SLC24A2: variants seen among roughly 807,000 people sequenced by gnomAD.
SLC24A2 encodes the protein sodium/potassium/calcium exchanger 2.
In SLC24A2, 36 loss-of-function variants were observed where a neutral mutation model predicts 62.0. The observed-to-expected ratio is 0.58, with a 90% CI of 0.44 to 0.77. The LOEUF is 0.77. Ranked by LOEUF, SLC24A2 falls within the 30% of genes least tolerant of loss-of-function variation. The probability of loss-of-function intolerance (pLI) is 0.00; values close to 1 mark genes in which losing one functional copy is unlikely to be tolerated. For missense variants in SLC24A2, 846 were observed against 817.9 expected, an observed-to-expected ratio of 1.03 and a Z score of -0.42; for synonymous variants, 358 against 294.0, an observed-to-expected ratio of 1.22 and a Z score of -2.23.
chr9:19,985,774 A>T, the SLC24A2 span, among the ~76,000 whole-genome samples: 1 of 152,192 alleles, frequency 6.6e-6, no homozygotes, highest in Non-Finnish European at 1.5e-5. Flanking sequence ...ATTATTAAAA[A>T]GTAAAAAGTG....
At chr9:20,268,682 A>T in the SLC24A2 span, among the ~76,000 whole-genome samples, 1 of 152,304 alleles carries the variant, frequency 6.6e-6, no homozygotes, top group African/African-American at 2.4e-5. Context: ...AGTTTTAGGT[A>T]TTCTGTTATA....
the SLC24A2 span, among the ~76,000 whole-genome samples, chr9:20,092,399 C>T: frequency 6.6e-6 from 1 of 152,130 alleles, no homozygotes; most frequent in Non-Finnish European, 1.5e-5. Flanking sequence ...TGCAGCCCAA[C>T]GCAAATTCAT....
At chr9:20,000,171 T>C in the SLC24A2 span, among the ~76,000 whole-genome samples, 2 of 152,236 alleles carry the variant, frequency 1.3e-5, no homozygotes, top group Non-Finnish European at 2.9e-5. Context: ...TAAACTAGTA[T>C]GTATGGAAAT....
At chr9:20,018,216 G>C in the SLC24A2 span, among the ~76,000 whole-genome samples, 1 of 152,146 alleles carries the variant, frequency 6.6e-6, no homozygotes, top group Non-Finnish European at 1.5e-5. Context: ...TAAAGTGCTG[G>C]GATTACAGGC....
the SLC24A2 span, among the ~76,000 whole-genome samples, chr9:20,189,408 C>A: frequency 6.6e-6 from 1 of 152,258 alleles, no homozygotes; most frequent in South Asian, 2.1e-4. Context: ...TCCCTGGGAC[C>A]ATCAATGCCG....
the SLC24A2 span, among the ~76,000 whole-genome samples, chr9:19,817,207 G>A: frequency 2.0e-5 from 3 of 151,958 alleles, no homozygotes; most frequent in Non-Finnish European, 4.4e-5. Flanking sequence ...GCTTCAGTCT[G>A]CCAGCTTGGA....
chr9:20,182,748 G>A, the SLC24A2 span, among the ~76,000 whole-genome samples: 14 of 152,186 alleles, frequency 9.2e-5, no homozygotes, highest in African/African-American at 3.1e-4. Flanking sequence ...AAACCTACAC[G>A]TTGTGCACAT....
intron 2 of SLC24A2, among the ~76,000 whole-genome samples, chr9:19,685,578 T>C (rs1048684565): frequency 1.1e-4 from 17 of 151,950 alleles, no homozygotes; most frequent in East Asian, 1.9e-4. Context: ...TATGGACACA[T>C]AGACCTATGG....
chr9:20,104,658 T>C, the SLC24A2 span, among the ~76,000 whole-genome samples: 1 of 152,286 alleles, frequency 6.6e-6, no homozygotes, highest in South Asian at 2.1e-4. Flanking sequence ...CTGAGAGATT[T>C]TGTCACCACC....
chr9:20,278,311 C>T, the SLC24A2 span, among the ~76,000 whole-genome samples: 1 of 152,122 alleles, frequency 6.6e-6, no homozygotes, highest in East Asian at 1.9e-4. Context: ...TTTTTGAACT[C>T]TTATGCTCTG....
the SLC24A2 span, among the ~76,000 whole-genome samples, chr9:20,055,821 G>A: frequency 3.3e-5 from 5 of 152,108 alleles, no homozygotes; most frequent in South Asian, 2.1e-4. Flanking sequence ...CCCAGGATGC[G>A]GAGGATGCAG....
the SLC24A2 span, among the ~76,000 whole-genome samples, chr9:20,295,782 T>C: frequency 6.6e-6 from 1 of 152,188 alleles, no homozygotes; most frequent in East Asian, 1.9e-4. Flanking sequence ...GTTCTAAGGC[T>C]TTTGAACTTG....
rs10692458 is a variant in SLC24A2, at chr9:19,720,837, ATGTGTGTGTGTGTGTG to A, written c.930+65084_930+65099del. ...AAACAATTTGTGTATATGTGGAATGATGTGTGTGTGTGTGTGTGTGTGTGTGTGTGTGTGTGTGTGT... is the reference window on the plus strand; with the variant it reads ...AAACAATTTGTGTATATGTGGAATGATGTGTGTGTGTGTGTGTGTGTGTGT... On this transcript the variant is annotated intron_variant, in intron 2 of 10. Transcript: ENST00000341998. Among the ~76,000 whole-genome samples the A allele has an allele frequency of 2.3e-3, 328 of 140,524 alleles. 8 individuals carry two copies. In the East Asian group the frequency reaches 0.05, roughly 21 times the overall value. 92.2% of individuals were successfully genotyped at this position (140,524 alleles called of 152,430 possible).
At chr9:20,002,499 T>G in the SLC24A2 span, among the ~76,000 whole-genome samples, 1 of 152,012 alleles carries the variant, frequency 6.6e-6, no homozygotes, top group African/African-American at 2.4e-5. Flanking sequence ...CACTTACTGT[T>G]AAAACAAACT....
intron 7 of SLC24A2, among the ~76,000 whole-genome samples, chr9:19,557,322 G>C (rs1267928218): frequency 6.6e-6 from 1 of 152,184 alleles, no homozygotes; most frequent in Non-Finnish European, 1.5e-5. Context: ...GGGAACAATT[G>C]TAAGAGGAAA....
the SLC24A2 span, among the ~76,000 whole-genome samples, chr9:20,251,008 C>T: frequency 6.6e-6 from 1 of 152,214 alleles, no homozygotes; most frequent in Middle Eastern, 3.2e-3. Context: ...AAGGCGCCAG[C>T]TGGCTCCAGT....
At chr9:19,659,494 T>C (rs1819032587) in intron 2 of SLC24A2, among the ~76,000 whole-genome samples, 1 of 152,224 alleles carries the variant, frequency 6.6e-6, no homozygotes, top group Non-Finnish European at 1.5e-5. Flanking sequence ...GCATGTTTTC[T>C]GCTGGGTCCC....
chr9:20,238,093 C>T, the SLC24A2 span, among the ~76,000 whole-genome samples: 1 of 152,140 alleles, frequency 6.6e-6, no homozygotes, highest in African/African-American at 2.4e-5. Context: ...GTGGGTGGTC[C>T]AGCTGAGCCT....
chr9:20,162,930 A>G, the SLC24A2 span, among the ~76,000 whole-genome samples: 1 of 151,896 alleles, frequency 6.6e-6, no homozygotes, highest in African/African-American at 2.4e-5. Context: ...AAATTTAACA[A>G]CTCTTCATGA....
Sources: allele counts gnomAD v4.1 joint callset (sites outside exome capture counted in the v4.1 genomes callset), GRCh38; gene constraint gnomAD v4.1.1; transcripts MANE v1.5; gene names NCBI Gene and HGNC (gene_info 2026-07-23, HGNC 2026-07-21).